The following DBX2 variants were observed in gnomAD, a reference collection of about 807,000 sequenced individuals.
DBX2 encodes the protein homeobox protein DBX2.
Under a neutral mutation model 17.7 loss-of-function variants are expected in DBX2, and 16 were observed. The ratio of observed to expected loss-of-function variants is 0.90; its 90% CI spans 0.61 to 1.37. The LOEUF (loss-of-function observed/expected upper bound fraction) is 1.37, where lower values mean the gene tolerates loss of function less well. DBX2 is among the 40% of genes most tolerant of loss of function. DBX2 has a pLI of 0.00. For missense variants in DBX2, 538 were observed against 433.8 expected (o/e 1.24, Z -2.13); for synonymous variants, 255 against 183.8 (o/e 1.39, Z -3.13).
chr12:45,038,075 A>G (rs747750192), intron 1 of DBX2, among the ~76,000 whole-genome samples: 1 of 152,058 alleles, frequency 6.6e-6, no homozygotes, highest in Non-Finnish European at 1.5e-5. Flanking sequence ...TTTGAATTTT[A>G]CATCTTAAAG....
Position 45,024,244 on chromosome 12 carries a change from A to C in DBX2, c.500-350T>G, listed in dbSNP as rs185311567. On this transcript the variant is annotated intron_variant, in intron 2 of 3. Coordinates refer to ENST00000332700, the MANE Select transcript of DBX2 (RefSeq NM_001004329.3). The stretch of plus-strand genomic sequence containing the variant: ...TCTCATTCTTCTCCTTCCTGCTGCC[A>C]TGTGAAGAAGGACATGCTTGCTTCC... 4.9e-3 allele frequency among the ~76,000 whole-genome samples: 749 copies of C among 152,276 alleles called. 4 individuals are homozygous for C. Among genetic ancestry groups the C allele is most frequent in the Admixed American group, 7.2e-3 (110 of 15,298 alleles).
chr12:45,049,413 T>G (rs559185483), intron 1 of DBX2, among the ~76,000 whole-genome samples: 7 of 152,340 alleles, frequency 4.6e-5, no homozygotes, highest in African/African-American at 1.4e-4. Flanking sequence ...TCCCTAGCAT[T>G]TAGGTTTTAC....
At chr12:45,050,263 A>G (rs779664896) in intron 1 of DBX2, among the ~76,000 whole-genome samples, 36 of 152,186 alleles carry the variant, frequency 2.4e-4, no homozygotes, top group Non-Finnish European at 4.1e-4. Flanking sequence ...AAGCAGCCCT[A>G]CCACCTGTTG....
chr12:45,016,354 G>T lies in DBX2; in HGVS notation c.952C>A (p.Gln318Lys). 6.2e-7 allele frequency: 1 copy of T among 1,612,684 alleles called. No individual in the cohort carries two copies. The highest frequency in any genetic ancestry group is 1.3e-5 in the African/African-American group (1 of 74,962). ...TCAGAACATAAATATAAGGCACCTT[G>T]CAGTGAATTTGCTTCTGGGGGTGGT... ...GAPPPEANSL[Q>K]GALYLCSEEE... Residue 318 changes from glutamine to lysine, a missense_variant, in exon 4 of 4, where the codon CAA becomes AAA. Physicochemically the swap from Gln to Lys is moderately conservative, Grantham distance 53. Coordinates refer to ENST00000332700, the MANE Select transcript of DBX2 (RefSeq NM_001004329.3).
Position 45,036,054 on chromosome 12 carries a change from G to A in DBX2, c.464C>T (p.Ser155Phe). 6.2e-7 allele frequency: 1 copy of A among 1,613,796 alleles called. No individual in the cohort carries two copies. The highest frequency in any genetic ancestry group is 8.5e-7 in the Non-Finnish European group (1 of 1,179,928). The change falls in exon 2 of 4, where the codon TCC becomes TTC. Residue 155 changes from serine (S) to phenylalanine (F), a missense_variant. By Grantham distance (155) the Ser-to-Phe change is radical. Coordinates refer to ENST00000332700, the MANE Select transcript of DBX2 (RefSeq NM_001004329.3). ...PPFYSACCGG[S>F]CRRPASSTAF... ...AGTGGAGGATGCAGGGCGCCGACAG[G>A]ACCCACCGCAGCACGCCGAGTAGAA... is the stretch of plus-strand genomic sequence containing the variant.
In DBX2 at chr12:45,051,027, C is replaced by T. The variant is rs985636686; in HGVS notation, c.-100G>A. 3.1e-6 allele frequency: 4 copies of T among 1,291,606 alleles called. No individual in the cohort carries two copies. Among genetic ancestry groups the T allele is most frequent in the African/African-American group, 1.6e-5 (1 of 63,946 alleles). The allele number at this position is 1,291,606 out of a possible 1,614,324, so 80.0% of individuals were successfully genotyped here. On this transcript the variant is annotated 5_prime_UTR_variant, in exon 1 of 4. Coordinates refer to ENST00000332700, the MANE Select transcript of DBX2 (RefSeq NM_001004329.3). ...GAGCCGCAGCTTCTCGCCGCCGCCTCCCGCAGGGCTGGAGCGCGCGGAGCC... is the reference window on the plus strand; with the variant it reads ...GAGCCGCAGCTTCTCGCCGCCGCCTTCCGCAGGGCTGGAGCGCGCGGAGCC...
intron 1 of DBX2, among the ~76,000 whole-genome samples, chr12:45,045,175 C>T (rs544065505): frequency 7.9e-5 from 12 of 152,108 alleles, no homozygotes; most frequent in East Asian, 1.9e-4. Context: ...TGTATTTGAA[C>T]GAAAACTCAG....
At chr12:45,048,106 A>G (rs1168942486) in intron 1 of DBX2, among the ~76,000 whole-genome samples, 1 of 152,180 alleles carries the variant, frequency 6.6e-6, no homozygotes, top group African/African-American at 2.4e-5. Flanking sequence ...AATATATGGT[A>G]TATTTAATAG....
At chr12:45,038,403 A>T (rs1019871646) in intron 1 of DBX2, among the ~76,000 whole-genome samples, 1 of 150,478 alleles carries the variant, frequency 6.6e-6, no homozygotes, top group Non-Finnish European at 1.5e-5. Flanking sequence ...AACAGAAAAC[A>T]AAAAAAAAGG....
At position 45,016,110 on chromosome 12, in the gene DBX2, G is replaced by T; in HGVS notation, c.*176C>A. 1.8e-6 allele frequency: 1 copy of T among 559,398 alleles called. No individual in the cohort carries two copies. The allele number at this position is 559,398 out of a possible 1,614,324, so 34.7% of individuals were successfully genotyped here. A position where few individuals can be genotyped will look rare whatever the true frequency, so the allele number is the denominator to read the frequency against. On this transcript the variant is annotated 3_prime_UTR_variant, in exon 4 of 4. Transcript: ENST00000332700. ...AGATTCTATTCCACTTACAAATTAA[G>T]CCTGAGTCTAGGGCCAAACAAGAGA...
intron 3 of DBX2, among the ~76,000 whole-genome samples, chr12:45,018,042 C>T (rs1946332278): frequency 6.6e-6 from 1 of 152,084 alleles, no homozygotes. Flanking sequence ...AAAATCTACC[C>T]CAGGCAATTC....
chr12:45,047,706 T>C (rs1946507392), intron 1 of DBX2, among the ~76,000 whole-genome samples: 1 of 152,160 alleles, frequency 6.6e-6, no homozygotes, highest in Non-Finnish European at 1.5e-5. Flanking sequence ...TGTGATACTA[T>C]GTAATTGGTG....
At chr12:45,042,977 A>G (rs1946479778) in intron 1 of DBX2, among the ~76,000 whole-genome samples, 1 of 152,116 alleles carries the variant, frequency 6.6e-6, no homozygotes, top group African/African-American at 2.4e-5. Context: ...AAAATGATCT[A>G]AACTCGAGGA....
chr12:45,043,151 GTTATCTT>G (rs1946480956), intron 1 of DBX2, among the ~76,000 whole-genome samples: 1 of 152,132 alleles, frequency 6.6e-6, no homozygotes, highest in Non-Finnish European at 1.5e-5. Flanking sequence ...TCTGATATTG[GTTATCTT>G]GATTTCACCC....
chr12:45,016,341 T>A lies in DBX2; in HGVS notation c.965A>T (p.Tyr322Phe). The A allele has an allele frequency of 6.2e-7, 1 of 1,609,720 alleles. No homozygotes were observed. Among genetic ancestry groups the A allele is most frequent in the Non-Finnish European group, 8.5e-7 (1 of 1,178,380 alleles). ...TCCAGCTTCTTCTTCAGAACATAAA[T>A]ATAAGGCACCTTGCAGTGAATTTGC... ...PEANSLQGAL[Y>F]LCSEEEAGSK... The change falls in exon 4 of 4, where the codon TAT becomes TTT. Residue 322 changes from tyrosine to phenylalanine, a missense_variant. Tyr to Phe is a conservative substitution (Grantham distance 22, BLOSUM62 3). Transcript: ENST00000332700.
rs894099418 is a variant in DBX2, at chr12:45,042,667, T to C, written c.404-6553A>G. 1.1e-4 allele frequency among the ~76,000 whole-genome samples: 16 copies of C among 152,188 alleles called. No homozygotes were observed. In the East Asian group the frequency reaches 3.1e-3, roughly 29 times the overall value. On this transcript the variant is annotated intron_variant, in intron 1 of 3. Coordinates refer to ENST00000332700, the MANE Select transcript of DBX2 (RefSeq NM_001004329.3). ...GGTTTTCCTCAATAGCTTGGTGACA[T>C]GATGAACACTACATTTGAGAAAAGT...
At chr12:45,019,619 C>A (rs909942396) in intron 3 of DBX2, among the ~76,000 whole-genome samples, 14 of 151,952 alleles carry the variant, frequency 9.2e-5, no homozygotes, top group African/African-American at 2.9e-4. Flanking sequence ...CACTCTCTTA[C>A]AAAATATTTT....
chr12:45,050,802 A>AT lies in DBX2; in HGVS notation c.125dup (p.Asn42LysfsTer38). ...TTGGGGCGCCCCCGACCCGCAGCAA[A>AT]TTCTCGATCAGGAAACTCTTGCCCA... On this transcript the variant is annotated frameshift_variant, in exon 1 of 4. Coordinates refer to ENST00000332700, the MANE Select transcript of DBX2 (RefSeq NM_001004329.3). LOFTEE classifies it high-confidence loss of function. The AT allele has an allele frequency of 6.5e-7, 1 of 1,534,944 alleles. No individual in the cohort carries two copies. Among genetic ancestry groups the AT allele is most frequent in the South Asian group, 1.2e-5 (1 of 81,684 alleles).
chr12:45,030,366 C>T (rs1474427857), intron 2 of DBX2, among the ~76,000 whole-genome samples: 1 of 152,190 alleles, frequency 6.6e-6, no homozygotes, highest in Non-Finnish European at 1.5e-5. Context: ...GAACAGCTTG[C>T]CAGTAATGTG....
Sources: allele counts gnomAD v4.1 joint callset (sites outside exome capture counted in the v4.1 genomes callset), GRCh38; gene constraint gnomAD v4.1.1; transcripts MANE v1.5; gene names NCBI Gene and HGNC (gene_info 2026-07-23, HGNC 2026-07-21).